OPHN1: variants seen among roughly 807,000 people sequenced by gnomAD.
The protein encoded by OPHN1 is oligophrenin 1.
Under a neutral mutation model 60.7 loss-of-function variants are expected in OPHN1, and 11 were observed. That is an observed-to-expected ratio of 0.18 (90% confidence interval 0.11 to 0.30). The LOEUF is 0.30. Ranked by LOEUF, OPHN1 falls within the 10% of genes least tolerant of loss-of-function variation. The probability of loss-of-function intolerance (pLI) is 1.00; values close to 1 mark genes in which losing one functional copy is unlikely to be tolerated. For synonymous variants in OPHN1, 226 were observed against 222.6 expected (o/e 1.02, Z -0.14); for missense variants, 449 against 611.0 (o/e 0.73, Z 2.80).
intron 6 of OPHN1, among the ~76,000 whole-genome samples, chrX:68,221,724 T>C (rs1182161741): frequency 4.1e-5 from 4 of 96,940 alleles, no homozygotes; most frequent in Non-Finnish European, 8.3e-5. Context: ...TGGCTAGCCA[T>C]ATGTAGAAAG....
intron 15 of OPHN1, among the ~76,000 whole-genome samples, chrX:68,190,607 G>T (rs374782895): frequency 8.9e-6 from 1 of 111,806 alleles, no homozygotes; most frequent in Non-Finnish European, 1.9e-5. Flanking sequence ...TTCTACTGCC[G>T]TGTGTGATTT....
rs1433116621 is a variant in OPHN1, at chrX:68,357,484, T to C, written c.155-58388A>G. Among the ~76,000 whole-genome samples the C allele has an allele frequency of 1.2e-4, 13 of 108,077 alleles. 1 individual carries two copies. The Admixed American group carries it at 1.3e-3, about 11-fold the overall frequency. 93.9% of individuals were successfully genotyped at this position (108,077 alleles called of 115,157 possible). Reference sequence around the variant, plus strand: ...GTTCTCATTGTTCAATTCCCACCTATGAGTGAGAACATGCGGCGTTTGGTT... The same window carrying C: ...GTTCTCATTGTTCAATTCCCACCTACGAGTGAGAACATGCGGCGTTTGGTT... On this transcript the variant is annotated intron_variant, in intron 2 of 24. Transcript: ENST00000355520.
intron 15 of OPHN1, among the ~76,000 whole-genome samples, chrX:68,154,698 C>A (rs1392463450): frequency 1.8e-5 from 2 of 111,460 alleles, no homozygotes; most frequent in Non-Finnish European, 3.8e-5. Flanking sequence ...GAAGCCATAG[C>A]AATTTAGAAA....
At chrX:68,144,260 G>A (rs1436097436) in intron 15 of OPHN1, among the ~76,000 whole-genome samples, 1 of 109,871 alleles carries the variant, frequency 9.1e-6, no homozygotes, top group Non-Finnish European at 1.9e-5. Flanking sequence ...AAACTCCTGG[G>A]CTCAAGCAAT....
chrX:68,374,000 G>C (rs1038526466), intron 2 of OPHN1, among the ~76,000 whole-genome samples: 1 of 111,603 alleles, frequency 9.0e-6, no homozygotes, highest in Non-Finnish European at 1.9e-5. Context: ...ATGCTAAAAT[G>C]TCTAGAAGAA....
At chrX:68,271,041 A>ATGTATGAGTAAGG (rs2077965926) in intron 5 of OPHN1, among the ~76,000 whole-genome samples, 1 of 111,705 alleles carries the variant, frequency 9.0e-6, no homozygotes, top group Non-Finnish European at 1.9e-5. Context: ...GGCCTAATAT[A>ATGTATGAGTAAGG]GCACCTATCA....
At chrX:68,307,608 G>C (rs2078152242) in intron 2 of OPHN1, among the ~76,000 whole-genome samples, 1 of 111,235 alleles carries the variant, frequency 9.0e-6, no homozygotes, top group African/African-American at 3.3e-5. Context: ...GATCAACCCA[G>C]GGAGTGGAAA....
chrX:68,190,815 G>A (rs906085123), intron 15 of OPHN1, among the ~76,000 whole-genome samples: 3 of 112,437 alleles, frequency 2.7e-5, no homozygotes, highest in Non-Finnish European at 5.6e-5. Context: ...GATGTCAGCT[G>A]ATTTACATAT....
intron 2 of OPHN1, among the ~76,000 whole-genome samples, chrX:68,345,994 T>A (rs1163673438): frequency 9.0e-6 from 1 of 111,110 alleles, no homozygotes; most frequent in East Asian, 2.8e-4. Context: ...CCAGGCATGG[T>A]AGTGCTTGCC....
At chrX:68,321,044 A>G (rs1221489782) in intron 2 of OPHN1, among the ~76,000 whole-genome samples, 1 of 111,571 alleles carries the variant, frequency 9.0e-6, no homozygotes, top group Non-Finnish European at 1.9e-5. Flanking sequence ...AAGCTCTACA[A>G]ACCCAGTTCT....
At chrX:68,343,334 G>T (rs1209800805) in intron 2 of OPHN1, among the ~76,000 whole-genome samples, 1 of 108,401 alleles carries the variant, frequency 9.2e-6, no homozygotes, top group Non-Finnish European at 1.9e-5. Context: ...TGTAATCCCA[G>T]CACTTTGGGA....
At chrX:68,287,647 C>T (rs2078051368) in intron 3 of OPHN1, among the ~76,000 whole-genome samples, 1 of 111,819 alleles carries the variant, frequency 8.9e-6, no homozygotes, top group African/African-American at 3.3e-5. Context: ...TGGTGGTTTG[C>T]ACACATTGCA....
At chrX:68,340,930 C>T (rs1339238169) in intron 2 of OPHN1, among the ~76,000 whole-genome samples, 4 of 105,849 alleles carry the variant, frequency 3.8e-5, no homozygotes, top group Non-Finnish European at 7.8e-5. Flanking sequence ...CGCTTGAACC[C>T]GGGAGGTGGA....
At position 68,263,965 on chromosome X, in the gene OPHN1, G is replaced by C. The variant is rs926850651; in HGVS notation, c.384+10773C>G. Among the ~76,000 whole-genome samples, 3 of 111,837 alleles carry C rather than the reference G, an allele frequency of 2.7e-5. No individual in the cohort carries two copies. The South Asian group carries it at 1.1e-3, about 42-fold the overall frequency. On this transcript the variant is annotated intron_variant, in intron 5 of 24. Transcript: ENST00000355520. ...CCACTTACAGTGCAACGAGTTCTGT[G>C]TACTGTATTTCTAGTACTCAGCGGA...
In OPHN1 at chrX:68,213,880, C is replaced by T. The variant is rs375249587; in HGVS notation, c.579G>A (p.Lys193=). ...YQIQEVQESK[K]FNIVEPVLAF... is the part of the protein sequence containing the mutation. ...AACTTACAGGCTCCACAATATTGAA[C>T]TTCTTGGACTCCTGAACTTCCTGGA... The change falls in exon 7 of 25, where the codon AAG becomes AAA. Residue 193 remains lysine, a synonymous_variant. Coordinates refer to ENST00000355520, the MANE Select transcript of OPHN1 (RefSeq NM_002547.3). 898 of 1,194,288 alleles carry T rather than the reference C, an allele frequency of 7.5e-4. 5 individuals carry two copies. In the South Asian group the frequency reaches 0.015, roughly 21 times the overall value.
intron 15 of OPHN1, among the ~76,000 whole-genome samples, chrX:68,131,668 C>A (rs749891426): frequency 1.8e-5 from 2 of 112,222 alleles, no homozygotes; most frequent in South Asian, 7.4e-4. Context: ...TTTAACACAT[C>A]ATTTTCATTA....
At chrX:68,218,834 T>A (rs2077633485) in intron 6 of OPHN1, among the ~76,000 whole-genome samples, 1 of 92,646 alleles carries the variant, frequency 1.1e-5, no homozygotes, top group Admixed American at 1.2e-4. Flanking sequence ...CATGCCAAAA[T>A]GTAAAGACCA....
In OPHN1 at chrX:68,304,247, CA is replaced by C. The variant is rs1470150181; in HGVS notation, c.155-5152del. The stretch of plus-strand genomic sequence containing the variant: ...ATCAATCTTTTATAAAATAAATGAC[CA>C]TTTTTTTTCAAACATGATTATACCA... On this transcript the variant is annotated intron_variant, in intron 2 of 24. Coordinates refer to ENST00000355520, the MANE Select transcript of OPHN1 (RefSeq NM_002547.3). 9.0e-4 allele frequency among the ~76,000 whole-genome samples: 99 copies of C among 110,085 alleles called. 1 individual carries two copies. The highest frequency in any genetic ancestry group is 3.0e-3 in the African/African-American group (91 of 30,203).
At chrX:68,404,313 C>T (rs1172202140) in intron 2 of OPHN1, among the ~76,000 whole-genome samples, 1 of 110,057 alleles carries the variant, frequency 9.1e-6, no homozygotes, top group African/African-American at 3.3e-5. Flanking sequence ...GTATGCACCA[C>T]CACACCCAGC....
Sources: allele counts gnomAD v4.1 joint callset (sites outside exome capture counted in the v4.1 genomes callset), GRCh38; gene constraint gnomAD v4.1.1; transcripts MANE v1.5; gene names NCBI Gene and HGNC (gene_info 2026-07-23, HGNC 2026-07-21).